PRKN: variants seen among roughly 807,000 people sequenced by gnomAD.
The protein encoded by PRKN is E3 ubiquitin-protein ligase parkin.
In PRKN, 56 loss-of-function variants were observed where a neutral mutation model predicts 59.5. That is an observed-to-expected ratio of 0.94 (90% confidence interval 0.76 to 1.18). The LOEUF is 1.18. Ranked by LOEUF, PRKN falls within the 50% of genes most tolerant of loss-of-function variation. The pLI is 0.00. For synonymous variants in PRKN, 250 were observed against 222.1 expected (o/e 1.13, Z -1.12); for missense variants, 657 against 596.4 (o/e 1.10, Z -1.06).
intron 6 of PRKN, among the ~76,000 whole-genome samples, chr6:161,896,039 C>T (rs1777613594): frequency 6.6e-6 from 1 of 152,104 alleles, no homozygotes; most frequent in South Asian, 2.1e-4. Context: ...ATCCCCTCAG[C>T]AGTGTTGGAG....
At chr6:162,058,332 G>A (rs932080462) in intron 4 of PRKN, among the ~76,000 whole-genome samples, 10 of 152,044 alleles carry the variant, frequency 6.6e-5, no homozygotes, top group African/African-American at 2.2e-4. Context: ...GGTAATTGTC[G>A]GGCCTTGTGA....
intron 3 of PRKN, among the ~76,000 whole-genome samples, chr6:162,226,089 AATAATAAT>A (rs542157116): frequency 0.076 from 9,103 of 119,160 alleles, 338 homozygotes; most frequent in African/African-American, 0.13. Context: ...TAATAATAAT[AATAATAAT>A]AAAATTAGAT....
chr6:161,613,568 C>T (rs1044369842), intron 7 of PRKN, among the ~76,000 whole-genome samples: 1 of 152,254 alleles, frequency 6.6e-6, no homozygotes, highest in African/African-American at 2.4e-5. Context: ...GCTACAGAGA[C>T]ATCTTTCATG....
intron 7 of PRKN, among the ~76,000 whole-genome samples, chr6:161,618,418 A>G (rs1212473932): frequency 1.3e-5 from 2 of 152,182 alleles, no homozygotes; most frequent in Non-Finnish European, 2.9e-5. Flanking sequence ...CTCAAGGTAA[A>G]AGACTATGTC....
intron 7 of PRKN, among the ~76,000 whole-genome samples, chr6:161,624,014 C>G (rs772149971): frequency 1.3e-5 from 2 of 152,190 alleles, no homozygotes; most frequent in Non-Finnish European, 2.9e-5. Flanking sequence ...GGAAGGAAGT[C>G]TTACTATGAA....
chr6:161,641,771 T>TG (rs1010719887), intron 7 of PRKN, among the ~76,000 whole-genome samples: 1 of 152,066 alleles, frequency 6.6e-6, no homozygotes, highest in Non-Finnish European at 1.5e-5. Flanking sequence ...CAAAAAGGAG[T>TG]GTAACAAAGG....
chr6:162,464,339 T>C (rs150100485), intron 1 of PRKN, among the ~76,000 whole-genome samples: 215 of 152,320 alleles, frequency 1.4e-3, no homozygotes, highest in African/African-American at 4.9e-3. Context: ...ACTTTGCCAC[T>C]GCCCTGTAAT....
At chr6:162,427,672 G>A (rs1789305577) in intron 2 of PRKN, among the ~76,000 whole-genome samples, 2 of 146,186 alleles carry the variant, frequency 1.4e-5, no homozygotes, top group South Asian at 2.1e-4. Flanking sequence ...TTTTGATGGA[G>A]TCTCGCTCTG....
At chr6:161,771,368 A>AAT (rs1562670778) in intron 7 of PRKN, among the ~76,000 whole-genome samples, 19 of 54,566 alleles carry the variant, frequency 3.5e-4, no homozygotes, top group African/African-American at 8.3e-4. Context: ...AAAAAAAAAA[A>AAT]AAATAAAATA....
At chr6:162,460,392 C>A (rs556173544) in intron 1 of PRKN, among the ~76,000 whole-genome samples, 1 of 152,222 alleles carries the variant, frequency 6.6e-6, no homozygotes, top group Non-Finnish European at 1.5e-5. Context: ...GGAGTTACTG[C>A]TAAAGGGAAG....
At chr6:162,070,751 A>C (rs1778540329) in intron 4 of PRKN, among the ~76,000 whole-genome samples, 1 of 152,184 alleles carries the variant, frequency 6.6e-6, no homozygotes, top group Non-Finnish European at 1.5e-5. Context: ...CACAGTTCAC[A>C]ATAGAGTTCT....
At chr6:161,947,964 G>A (rs1477933200) in intron 6 of PRKN, among the ~76,000 whole-genome samples, 1 of 151,984 alleles carries the variant, frequency 6.6e-6, no homozygotes, top group Non-Finnish European at 1.5e-5. Context: ...TGTATCTTGA[G>A]ATGCAATTTC....
intron 5 of PRKN, among the ~76,000 whole-genome samples, chr6:162,053,137 A>G (rs1777717599): frequency 6.6e-6 from 1 of 152,190 alleles, no homozygotes; most frequent in African/African-American, 2.4e-5. Context: ...CGTAGTCCCT[A>G]GCCCTAGGCT....
chr6:162,359,079 A>AAAAAAATATATATATATATATAT (rs57265104), intron 2 of PRKN, among the ~76,000 whole-genome samples: 1 of 83,248 alleles, frequency 1.2e-5, no homozygotes, highest in Admixed American at 1.4e-4. Flanking sequence ...AAAAAAAAAA[A>AAAAAAATATATATATATATATAT]ATATATATAT....
At chr6:161,884,977 A>C (rs1216818975) in intron 6 of PRKN, among the ~76,000 whole-genome samples, 9 of 69,898 alleles carry the variant, frequency 1.3e-4, no homozygotes, top group African/African-American at 9.4e-4. Flanking sequence ...CTTTATTTAC[A>C]AAAAAAAAAA....
At chr6:161,950,508 G>T (rs891121410) in intron 6 of PRKN, among the ~76,000 whole-genome samples, 5 of 152,164 alleles carry the variant, frequency 3.3e-5, no homozygotes, top group Non-Finnish European at 7.3e-5. Flanking sequence ...TTGCGCCACT[G>T]CACTCCAGCC....
At chr6:161,794,643 C>G (rs1790765920) in intron 6 of PRKN, among the ~76,000 whole-genome samples, 1 of 152,126 alleles carries the variant, frequency 6.6e-6, no homozygotes. Flanking sequence ...TTCCCTCTTT[C>G]CCATTCACGA....
At chr6:162,255,310 G>T (rs1779598358) in intron 3 of PRKN, among the ~76,000 whole-genome samples, 1 of 152,078 alleles carries the variant, frequency 6.6e-6, no homozygotes, top group South Asian at 2.1e-4. Context: ...AGGGATAACT[G>T]AAATGGATAA....
chr6:162,058,503 CACCG>C (rs1353799259), intron 4 of PRKN, among the ~76,000 whole-genome samples: 2 of 152,178 alleles, frequency 1.3e-5, no homozygotes, highest in Admixed American at 1.3e-4. Context: ...GTGCTTGAGG[CACCG>C]AAAAGTCCCT....
Sources: gnomAD v4.1 joint callset for allele counts (sites outside exome capture counted in the v4.1 genomes callset) on GRCh38, gnomAD v4.1.1 for gene constraint, MANE v1.5 for transcripts, NCBI Gene and HGNC (gene_info 2026-07-23, HGNC 2026-07-21) for gene names.